DTNB: variants seen among roughly 807,000 people sequenced by gnomAD.
DTNB encodes the protein DTN-B.
Under a neutral mutation model 90.7 loss-of-function variants are expected in DTNB, and 63 were observed. That is an observed-to-expected ratio of 0.69 (90% confidence interval 0.57 to 0.86). DTNB has a LOEUF of 0.86. Among genes scored for constraint, DTNB ranks in the 40% least tolerant of loss-of-function variants. The pLI is 0.00. For missense variants in DTNB, 744 were observed against 807.1 expected, an observed-to-expected ratio of 0.92 and a Z score of 0.95; for synonymous variants, 277 against 286.7, an observed-to-expected ratio of 0.97 and a Z score of 0.34.
At chr2:25,596,364 C>T (rs1347423067) in intron 5 of DTNB, 124 bp from the exon 6 acceptor site, 1 of 1,163,582 alleles carries the variant, frequency 8.6e-7, no homozygotes, top group Non-Finnish European at 1.2e-6. Context: ...ATTATTGTGA[C>T]TTTTAGTTAA....
At chr2:25,540,456 T>C (rs1381906078) in intron 8 of DTNB, among the ~76,000 whole-genome samples, 1 of 152,176 alleles carries the variant, frequency 6.6e-6, no homozygotes, top group Non-Finnish European at 1.5e-5. Flanking sequence ...TAGCATAAAA[T>C]TCACCATCGC....
At chr2:25,632,356 T>A (rs1248256360) in intron 3 of DTNB, among the ~76,000 whole-genome samples, 2 of 152,160 alleles carry the variant, frequency 1.3e-5, no homozygotes, top group African/African-American at 4.8e-5. Flanking sequence ...ACCTTATTTT[T>A]AGAAATGAAG....
chr2:25,645,363 A>T (rs1383511465), intron 2 of DTNB, among the ~76,000 whole-genome samples: 1 of 149,954 alleles, frequency 6.7e-6, no homozygotes, highest in Non-Finnish European at 1.5e-5. Flanking sequence ...ATCACAAAAA[A>T]AAAAAAAGAA....
chr2:25,463,883 A>G lies in DTNB; in HGVS notation c.1080-8389T>C, dbSNP rs555599073. ...TAGAGAAATAATTACAGGCATGTGCATATACGCATACTGATTTCTTTTATT... is the reference window on the plus strand; with the variant it reads ...TAGAGAAATAATTACAGGCATGTGCGTATACGCATACTGATTTCTTTTATT... On this transcript the variant is annotated intron_variant, in intron 10 of 20. Transcript: ENST00000406818. Among the ~76,000 whole-genome samples the G allele has an allele frequency of 2.6e-5, 4 of 152,336 alleles. No homozygotes were observed. In the South Asian group the frequency reaches 8.3e-4, roughly 32 times the overall value.
intron 5 of DTNB, among the ~76,000 whole-genome samples, chr2:25,604,044 G>C (rs2066492089): frequency 6.6e-6 from 1 of 152,148 alleles, no homozygotes; most frequent in African/African-American, 2.4e-5. Flanking sequence ...AGAATGCTAA[G>C]AGGTTTGGTT....
chr2:25,432,795 C>T (rs1574369798), intron 14 of DTNB, 91 bp downstream of exon 14: 4 of 1,327,322 alleles, frequency 3.0e-6, no homozygotes, highest in African/African-American at 1.5e-5. Context: ...TTATACTGAA[C>T]AACAGATTCT....
chr2:25,577,522 A>G (rs1198394798), intron 7 of DTNB, among the ~76,000 whole-genome samples: 2 of 150,756 alleles, frequency 1.3e-5, no homozygotes, highest in Admixed American at 1.3e-4. Context: ...GAAAAAAAAA[A>G]AAGATTTAAT....
intron 11 of DTNB, among the ~76,000 whole-genome samples, chr2:25,454,392 C>A (rs1396221571): frequency 1.3e-5 from 2 of 152,138 alleles, no homozygotes; most frequent in East Asian, 1.9e-4. Flanking sequence ...ATGCTATAAG[C>A]AAAACTAAGA....
At position 25,537,789 on chromosome 2, in the gene DTNB, G is replaced by C. The variant is rs371216151; in HGVS notation, c.877-6192C>G. On this transcript the variant is annotated intron_variant, in intron 8 of 20. Transcript: ENST00000406818. ...CCCTAGGACAAGGCCCCAGACTTGA[G>C]AGTGGATGACTAAAAATTTAAGGAA... Among the ~76,000 whole-genome samples the C allele has an allele frequency of 5.3e-5, 8 of 152,310 alleles. No individual in the cohort carries two copies. The South Asian group carries it at 1.5e-3, about 28-fold the overall frequency.
intron 10 of DTNB, among the ~76,000 whole-genome samples, chr2:25,463,463 C>G (rs1558634127): frequency 1.3e-5 from 2 of 152,164 alleles, no homozygotes; most frequent in Admixed American, 1.3e-4. Flanking sequence ...AGTTGATTCT[C>G]CACGCTGCAA....
At chr2:25,433,031 C>T (rs369647734) in intron 13 of DTNB, 32 bp from the exon 14 acceptor site, 5 of 1,559,242 alleles carry the variant, frequency 3.2e-6, no homozygotes, top group Non-Finnish European at 4.3e-6. Flanking sequence ...AAAGGGGCTG[C>T]ACAGTGCTTC....
chr2:25,579,815 A>AATAT (rs2061282342), intron 7 of DTNB, among the ~76,000 whole-genome samples: 1 of 152,130 alleles, frequency 6.6e-6, no homozygotes, highest in Non-Finnish European at 1.5e-5. Context: ...TAGCATATAT[A>AATAT]CAGTTTTTTA....
chr2:25,668,971 A>G (rs1359973350), intron 1 of DTNB, among the ~76,000 whole-genome samples: 4 of 152,258 alleles, frequency 2.6e-5, no homozygotes, highest in Admixed American at 2.6e-4. Context: ...CACATGCTAC[A>G]ATATGAATGA....
intron 8 of DTNB, among the ~76,000 whole-genome samples, chr2:25,556,223 A>G (rs1243656686): frequency 2.4e-5 from 3 of 122,652 alleles, no homozygotes; most frequent in African/African-American, 3.3e-5. Context: ...ATGATACTCT[A>G]TGATACTCTC....
intron 1 of DTNB, among the ~76,000 whole-genome samples, chr2:25,657,697 G>A (rs774619106): frequency 9.9e-5 from 15 of 152,096 alleles, no homozygotes; most frequent in Non-Finnish European, 1.8e-4. Context: ...CTCCAGCCTG[G>A]GTGACGGAGC....
chr2:25,635,337 A>G (rs1164142404), intron 3 of DTNB, among the ~76,000 whole-genome samples: 1 of 152,132 alleles, frequency 6.6e-6, no homozygotes, highest in Non-Finnish European at 1.5e-5. Flanking sequence ...AAGCTGGGGC[A>G]GGAGAATCAA....
At chr2:25,569,244 AAATGATTGGTGTTT>A (rs2059472502) in intron 8 of DTNB, among the ~76,000 whole-genome samples, 1 of 152,224 alleles carries the variant, frequency 6.6e-6, no homozygotes, top group African/African-American at 2.4e-5. Flanking sequence ...AGGTGTAATC[AAATGATTGGTGTTT>A]AATGTCACTA....
At chr2:25,425,956 A>G (rs1037430023) in intron 15 of DTNB, among the ~76,000 whole-genome samples, 1 of 152,184 alleles carries the variant, frequency 6.6e-6, no homozygotes, top group Non-Finnish European at 1.5e-5. Flanking sequence ...AGTCCTAGCC[A>G]CTCAGGAGGC....
intron 1 of DTNB, among the ~76,000 whole-genome samples, chr2:25,666,969 C>G (rs1341398825): frequency 6.6e-6 from 1 of 151,952 alleles, no homozygotes; most frequent in African/African-American, 2.4e-5. Flanking sequence ...AAGATATAAA[C>G]AGCCTCAGGA....
Sources: gnomAD v4.1 joint callset for allele counts (sites outside exome capture counted in the v4.1 genomes callset) on GRCh38, gnomAD v4.1.1 for gene constraint, MANE v1.5 for transcripts, NCBI Gene and HGNC (gene_info 2026-07-23, HGNC 2026-07-21) for gene names.